Variants in CDH23 observed in about 807,000 individuals in gnomAD.
CDH23 encodes cadherin-23.
CDH23 carries 189 observed loss-of-function variants against 317.1 expected under a neutral mutation model. That is an observed-to-expected ratio of 0.60 (90% CI 0.53 to 0.67). The LOEUF (loss-of-function observed/expected upper bound fraction) is 0.67. CDH23 is among the 30% of genes least tolerant of loss of function. CDH23 has a pLI of 0.00. For synonymous variants in CDH23, 1,839 were observed against 1,876.8 expected (o/e 0.98, Z 0.52); for missense variants, 4,401 against 4,592.4 (o/e 0.96, Z 1.20).
intron 21 of CDH23, among the ~76,000 whole-genome samples, chr10:71,694,692 A>G (rs1432009383): frequency 6.6e-6 from 1 of 152,090 alleles, no homozygotes; most frequent in Non-Finnish European, 1.5e-5. Context: ...CCCAGAGAGT[A>G]GAAAGCTAGA....
In CDH23 at chr10:71,751,857, T is replaced by C. The variant is rs200047559; in HGVS notation, c.4845+9936T>C. 8.4e-6 allele frequency: 13 copies of C among 1,548,740 alleles called. No individual in the cohort carries two copies. Among genetic ancestry groups the C allele is most frequent in the South Asian group, 1.2e-5 (1 of 81,594 alleles). ...AAGCCGGGGTTTTCAATCCCTTGAA[T>C]GTTGCTGCCACAGAACCAGAATGGA... On this transcript the variant is annotated intron_variant, in intron 38 of 69. Transcript: ENST00000224721. The surrounding 1 kb of genome is among the most constrained non-coding windows in gnomAD (Gnocchi z 4.9).
At position 71,702,771 on chromosome 10, in the gene CDH23, A is replaced by C. The variant is rs1865640700; in HGVS notation, c.2733+77A>C. On this transcript the variant is annotated intron_variant, in intron 24 of 69. Coordinates refer to ENST00000224721, the MANE Select transcript of CDH23 (RefSeq NM_022124.6). ...CTGAGGAGCCTAGCCCAGGCTGAAA[A>C]CTTTGCAGGGCTGGGGCAGGGGAGG... 14 of 1,558,402 alleles carry C rather than the reference A, an allele frequency of 9.0e-6. No homozygotes were observed. The South Asian group carries it at 1.4e-4, about 16-fold the overall frequency.
chr10:71,677,424 TTCCTTCTCTCCA>T lies in CDH23; in HGVS notation c.1515-27_1515-16del. 1 of 1,552,512 alleles carries T rather than the reference TTCCTTCTCTCCA, an allele frequency of 6.4e-7. No individual in the cohort carries two copies. The highest frequency in any genetic ancestry group is 1.2e-5 in the South Asian group (1 of 83,948). Reference sequence around the variant, plus strand: ...AACAAGCCTGTTTTAAACCACGGTGTTCCTTCTCTCCATCCTCTCGGCCTGGCACAGGTTCTC... The same window carrying T: ...AACAAGCCTGTTTTAAACCACGGTGTTCCTCTCGGCCTGGCACAGGTTCTC... On this transcript the variant is annotated intron_variant, in intron 15 of 69. Coordinates refer to ENST00000224721, the MANE Select transcript of CDH23 (RefSeq NM_022124.6).
chr10:71,744,982 T>C (rs748961610), intron 38 of CDH23, among the ~76,000 whole-genome samples: 17 of 152,386 alleles, frequency 1.1e-4, no homozygotes, highest in Non-Finnish European at 1.8e-4. Flanking sequence ...CATTTGGTTT[T>C]TGCAGGGGAC....
chr10:71,523,265 T>G (rs36026331), intron 6 of CDH23, among the ~76,000 whole-genome samples: 5,881 of 152,314 alleles, frequency 0.039, 157 homozygotes, highest in Non-Finnish European at 0.063. Flanking sequence ...AAGGGCTCCT[T>G]AGCGGCTAGA....
intron 3 of CDH23, among the ~76,000 whole-genome samples, chr10:71,495,030 C>T (rs1227702170): frequency 3.3e-5 from 5 of 152,050 alleles, no homozygotes; most frequent in Non-Finnish European, 7.4e-5. Flanking sequence ...GGAACCACCA[C>T]GGAGCCCCAG....
intron 9 of CDH23, among the ~76,000 whole-genome samples, chr10:71,594,319 C>T (rs1165054444): frequency 6.6e-6 from 1 of 150,948 alleles, no homozygotes; most frequent in Non-Finnish European, 1.5e-5. Flanking sequence ...TTCTTTCTTC[C>T]TTCCTTCCTG....
intron 9 of CDH23, among the ~76,000 whole-genome samples, chr10:71,580,639 C>T (rs1189102701): frequency 6.6e-6 from 1 of 152,204 alleles, no homozygotes; most frequent in African/African-American, 2.4e-5. Context: ...CACTGTTTGA[C>T]AAATATTTGC....
chr10:71,731,362 G>A (rs1340737385), intron 31 of CDH23, among the ~76,000 whole-genome samples: 5 of 152,230 alleles, frequency 3.3e-5, no homozygotes, highest in Non-Finnish European at 5.9e-5. Context: ...GGATGGGGTG[G>A]AGGGAGGAAT....
chr10:71,530,817 C>G (rs749872630), intron 6 of CDH23, among the ~76,000 whole-genome samples: 2 of 152,198 alleles, frequency 1.3e-5, no homozygotes, highest in Admixed American at 1.3e-4. Context: ...TCAGCACTTT[C>G]TAGGCATCGT....
intron 3 of CDH23, among the ~76,000 whole-genome samples, chr10:71,498,349 C>T (rs905118447): frequency 2.0e-5 from 3 of 152,144 alleles, no homozygotes; most frequent in East Asian, 1.9e-4. Flanking sequence ...CTGGAATGCT[C>T]GTCCTGAGGG....
Position 71,814,960 on chromosome 10 carries a change from G to C in CDH23, c.9747G>C (p.Gln3249His), listed in dbSNP as rs751361152. The change falls in exon 70 of 70, where the codon CAG becomes CAC. Residue 3249 changes from glutamine (Q) to histidine (H), a missense_variant. Physicochemically the swap from Gln to His is conservative, Grantham distance 24 (BLOSUM62 0). Transcript: ENST00000224721. ...GTCCCGGCCTCTTGCAGCTGATACA[G>C]ACTGAGCTGGACGAGGAGCCAGGAG... Reference protein sequence around the residue: ...SCHSSISELIQTELDEEPGDH... With the variant: ...SCHSSISELIHTELDEEPGDH... 1.9e-6 allele frequency: 3 copies of C among 1,611,038 alleles called. No homozygotes were observed. The highest frequency in any genetic ancestry group is 2.5e-6 in the Non-Finnish European group (3 of 1,178,728).
chr10:71,439,747 C>A, intron 1 of CDH23, 80 bp from the exon 2 acceptor site: 1 of 1,022,596 alleles, frequency 9.8e-7, no homozygotes, highest in Admixed American at 2.1e-5. Flanking sequence ...TCTGGAGCTG[C>A]AGAGGTGGGA....
At chr10:71,573,666 A>G (rs913507893) in intron 8 of CDH23, among the ~76,000 whole-genome samples, 1 of 152,156 alleles carries the variant, frequency 6.6e-6, no homozygotes, top group Non-Finnish European at 1.5e-5. Flanking sequence ...CTTTGTCTCC[A>G]CAAGGGCACT....
chr10:71,510,178 A>G lies in CDH23; in HGVS notation c.242A>G (p.Glu81Gly), dbSNP rs769743884. ...GAGGCCTCTCGCTTCTTTGCAGTGGAGCCTGACACTGGCGTGGTGTGGCTC... is the reference window on the plus strand; with the variant it reads ...GAGGCCTCTCGCTTCTTTGCAGTGGGGCCTGACACTGGCGTGGTGTGGCTC... ...GEEASRFFAV[E>G]PDTGVVWLRQ... is the part of the protein sequence containing the mutation. Residue 81 changes from glutamate to glycine, a missense_variant, in exon 4 of 70, where the codon GAG becomes GGG. By Grantham distance (98) the Glu-to-Gly change is moderately conservative. Coordinates refer to ENST00000224721, the MANE Select transcript of CDH23 (RefSeq NM_022124.6). The G allele has an allele frequency of 3.7e-6, 6 of 1,613,806 alleles. No individual in the cohort carries two copies. Among genetic ancestry groups the G allele is most frequent in the Non-Finnish European group, 4.2e-6 (5 of 1,179,868 alleles).
At position 71,465,173 on chromosome 10, in the gene CDH23, G is replaced by A. The variant is rs61089415; in HGVS notation, c.145+18778G>A. On this transcript the variant is annotated intron_variant, in intron 3 of 69. Coordinates refer to ENST00000224721, the MANE Select transcript of CDH23 (RefSeq NM_022124.6). The stretch of plus-strand genomic sequence containing the variant: ...CTGGCCACACTGCAGGTGTTGGGCA[G>A]CCACATGTGTTGAGTGGTTACTGTA... Among the ~76,000 whole-genome samples, 1,130 of 152,366 alleles carry A rather than the reference G, an allele frequency of 7.4e-3. 17 individuals carry two copies. Among genetic ancestry groups the A allele is most frequent in the African/African-American group, 0.026 (1,063 of 41,588 alleles).
intron 1 of CDH23, among the ~76,000 whole-genome samples, chr10:71,410,552 A>G (rs191370494): frequency 1.3e-5 from 2 of 152,350 alleles, no homozygotes; most frequent in East Asian, 1.9e-4. Flanking sequence ...ATACATGCAG[A>G]AAAGTGTGCA....
intron 2 of CDH23, among the ~76,000 whole-genome samples, chr10:71,441,260 C>T (rs929128769): frequency 6.6e-5 from 10 of 152,146 alleles, no homozygotes; most frequent in African/African-American, 2.2e-4. Flanking sequence ...CCCCCCCTGC[C>T]TCATGTGGGA....
intron 38 of CDH23, chr10:71,750,191 T>A (rs1340114066): frequency 6.6e-6 from 1 of 152,238 alleles, no homozygotes; most frequent in Non-Finnish European, 1.5e-5. Context: ...CACCCGCACC[T>A]GGCCGAATGG....
Sources: gnomAD v4.1 joint callset for allele counts (sites outside exome capture counted in the v4.1 genomes callset) on GRCh38, gnomAD v4.1.1 for gene constraint, Gnocchi (gnomAD v3.1) non-coding constraint, MANE v1.5 for transcripts, NCBI Gene and HGNC (gene_info 2026-07-23, HGNC 2026-07-21) for gene names.